The following ANKHD1 variants were observed in gnomAD, a reference collection of about 807,000 sequenced individuals.
The protein encoded by ANKHD1 is ankyrin repeat and KH domain containing 1.
In ANKHD1, 31 loss-of-function variants were observed where a neutral mutation model predicts 230.5. The observed-to-expected ratio is 0.13, with a 90% CI of 0.10 to 0.18. ANKHD1 has a LOEUF of 0.18. Among genes scored for constraint, ANKHD1 ranks in the 10% least tolerant of loss-of-function variants. ANKHD1 has a pLI of 1.00. For missense variants in ANKHD1, 2,256 were observed against 3,071.3 expected (o/e 0.73, Z 6.27); for synonymous variants, 1,074 against 1,117.6 (o/e 0.96, Z 0.78).
intron 1 of ANKHD1, among the ~76,000 whole-genome samples, chr5:140,425,718 G>A (rs139241917): frequency 1.3e-5 from 2 of 152,146 alleles, no homozygotes; most frequent in African/African-American, 4.8e-5. Context: ...AGGCCTTTTT[G>A]TAACAACAAA....
chr5:140,462,899 G>A (rs1405424287), intron 9 of ANKHD1, among the ~76,000 whole-genome samples: 1 of 152,090 alleles, frequency 6.6e-6, no homozygotes, highest in African/African-American at 2.4e-5. Flanking sequence ...TGGCTGGAAT[G>A]TAGTGGTGTG....
intron 5 of ANKHD1, among the ~76,000 whole-genome samples, chr5:140,441,744 G>T (rs375894408): frequency 1.2e-4 from 18 of 152,042 alleles, no homozygotes; most frequent in African/African-American, 4.3e-4. Flanking sequence ...AGGATTTTTT[G>T]CTAAATGAGT....
In ANKHD1 at chr5:140,526,114, A is replaced by C; in HGVS notation, c.4611A>C (p.Thr1537=). The change falls in exon 26 of 34, where the codon ACA becomes ACC. Residue 1537 remains threonine (T), a synonymous_variant. Coordinates refer to ENST00000360839, the MANE Select transcript of ANKHD1 (RefSeq NM_017747.3). ...VFGKKRANVV[T]TPSTNRKNKK... ...GGAAAAAAAGGGCCAATGTGGTGAC[A>C]ACTCCCAGCACCAATCGGAAAAATA... 1 of 1,614,056 alleles carries C rather than the reference A, an allele frequency of 6.2e-7. No individual in the cohort carries two copies. Among genetic ancestry groups the C allele is most frequent in the Non-Finnish European group, 8.5e-7 (1 of 1,180,004 alleles).
At chr5:140,410,500 T>G (rs74858646) in intron 1 of ANKHD1, among the ~76,000 whole-genome samples, 190 of 152,320 alleles carry the variant, frequency 1.2e-3, no homozygotes, top group African/African-American at 4.5e-3. Flanking sequence ...TAAACAGTTT[T>G]AGCCTTGAAT....
At chr5:140,436,625 A>G (rs1036582010) in intron 2 of ANKHD1, among the ~76,000 whole-genome samples, 1 of 152,062 alleles carries the variant, frequency 6.6e-6, no homozygotes, top group African/African-American at 2.4e-5. Flanking sequence ...GTGCGCCTGT[A>G]GTCCCAGCTA....
At chr5:140,427,649 G>C (rs1772615487) in intron 1 of ANKHD1, among the ~76,000 whole-genome samples, 1 of 140,626 alleles carries the variant, frequency 7.1e-6, no homozygotes. Flanking sequence ...GCGGGGGGCT[G>C]ACCCCCCCAC....
Position 140,496,639 on chromosome 5 carries a change from C to G in ANKHD1, c.2365C>G (p.Leu789Val). The change falls in exon 15 of 34, where the codon CTG becomes GTG. Residue 789 changes from leucine to valine, a missense_variant. This residue lies in a region of ANKHD1 where 358 missense variants were observed against 397.7 expected (regional missense o/e 0.90). Coordinates refer to ENST00000360839, the MANE Select transcript of ANKHD1 (RefSeq NM_017747.3). ...VEETEGKLNE[L>V]GQRISAIEKA... ...GGAGACTGAAGGCAAGCTGAATGAACTGGGACAAAGAATTAGTGCTATTGA... is the reference window on the plus strand; with the variant it reads ...GGAGACTGAAGGCAAGCTGAATGAAGTGGGACAAAGAATTAGTGCTATTGA... 1.2e-6 allele frequency: 2 copies of G among 1,613,614 alleles called. No homozygotes were observed. Among genetic ancestry groups the G allele is most frequent in the Non-Finnish European group, 1.7e-6 (2 of 1,179,940 alleles).
rs1753713732 is a variant in ANKHD1, at chr5:140,529,117, C to T, written c.6171C>T (p.Asn2057=). The T allele has an allele frequency of 2.5e-6, 4 of 1,614,098 alleles. No individual in the cohort carries two copies. Among genetic ancestry groups the T allele is most frequent in the Non-Finnish European group, 3.4e-6 (4 of 1,180,032 alleles). The change falls in exon 29 of 34, where the codon AAC becomes AAT. Residue 2057 remains asparagine (N), a synonymous_variant. Transcript: ENST00000360839. The part of the protein sequence containing the change: ...TANSCSSSAS[N]TPGAPETHPS... ...ACAGTTGCAGTAGCTCTGCCAGCAACACCCCGGGAGCTCCAGAAACTCACC... is the reference window on the plus strand; with the variant it reads ...ACAGTTGCAGTAGCTCTGCCAGCAATACCCCGGGAGCTCCAGAAACTCACC...
chr5:140,521,763 T>G (rs920236705), intron 24 of ANKHD1, among the ~76,000 whole-genome samples: 8 of 152,194 alleles, frequency 5.3e-5, no homozygotes, highest in Non-Finnish European at 1.2e-4. Flanking sequence ...GCAGATCACC[T>G]GAGGTCAGGA....
chr5:140,412,497 A>G (rs1273683292), intron 1 of ANKHD1, among the ~76,000 whole-genome samples: 3 of 152,208 alleles, frequency 2.0e-5, no homozygotes, highest in East Asian at 3.8e-4. Context: ...ACTGTCATGT[A>G]GATCAGCATA....
In ANKHD1 at chr5:140,538,919, G is replaced by T; in HGVS notation, c.7405G>T (p.Gly2469Cys). Residue 2469 changes from glycine to cysteine, a missense_variant and splice_region_variant, in exon 33 of 34, where the codon GGT becomes TGT. By Grantham distance (159) the Gly-to-Cys change is radical. Around this residue, in one of 13 missense-constraint regions of ANKHD1, gnomAD observed 778 missense variants for 966.5 expected, o/e 0.80. Coordinates refer to ENST00000360839, the MANE Select transcript of ANKHD1 (RefSeq NM_017747.3). ...MASGFVDFSK[G>C]LPISMYGGTI... The stretch of plus-strand genomic sequence containing the variant: ...TAAATCTTTTTTCCTGCTGTTTTAG[G>T]GTCTGCCAATTTCCATGTATGGAGG... The T allele has an allele frequency of 1.3e-6, 2 of 1,525,362 alleles. No homozygotes were observed. Among genetic ancestry groups the T allele is most frequent in the Non-Finnish European group, 1.8e-6 (2 of 1,137,604 alleles). The allele number at this position is 1,525,362 out of a possible 1,614,324, so 94.5% of individuals were successfully genotyped here.
intron 24 of ANKHD1, among the ~76,000 whole-genome samples, chr5:140,518,675 C>G (rs1753165937): frequency 1.3e-5 from 2 of 152,262 alleles, no homozygotes; most frequent in Admixed American, 1.3e-4. Flanking sequence ...TAAACAGAAC[C>G]AAAGACAAAA....
intron 1 of ANKHD1, among the ~76,000 whole-genome samples, chr5:140,406,187 G>A (rs549779590): frequency 7.9e-5 from 12 of 151,318 alleles, no homozygotes; most frequent in East Asian, 2.0e-4. Context: ...GCAGTGAGCC[G>A]AGATCACGCC....
At position 140,427,756 on chromosome 5, in the gene ANKHD1, G is replaced by T. The variant is rs1256407055; in HGVS notation, c.307-8348G>T. ...GCGCCCCTCACCTCCCGGACAGGGCGGCTGGCCGGGCGGGGGGCTGATCCC... is the reference window on the plus strand; with the variant it reads ...GCGCCCCTCACCTCCCGGACAGGGCTGCTGGCCGGGCGGGGGGCTGATCCC... On this transcript the variant is annotated intron_variant, in intron 1 of 33. Transcript: ENST00000360839. Among the ~76,000 whole-genome samples the T allele has an allele frequency of 2.7e-5, 4 of 150,850 alleles. No individual in the cohort carries two copies. The South Asian group carries it at 8.4e-4, about 32-fold the overall frequency.
At chr5:140,403,894 G>A (rs1326572752) in intron 1 of ANKHD1, among the ~76,000 whole-genome samples, 1 of 152,118 alleles carries the variant, frequency 6.6e-6, no homozygotes, top group African/African-American at 2.4e-5. Context: ...TTATTTGTGG[G>A]TTACAGACTG....
chr5:140,409,309 T>C (rs1270447073), intron 1 of ANKHD1, among the ~76,000 whole-genome samples: 21 of 152,178 alleles, frequency 1.4e-4, no homozygotes, highest in Admixed American at 1.4e-3. Flanking sequence ...AAATGTATCA[T>C]TTTGGGGAAC....
intron 1 of ANKHD1, among the ~76,000 whole-genome samples, chr5:140,435,655 A>G (rs1490942289): frequency 6.6e-6 from 1 of 152,058 alleles, no homozygotes; most frequent in Non-Finnish European, 1.5e-5. Flanking sequence ...CTAGGATTAC[A>G]GGTGTGAGCC....
chr5:140,420,237 G>A (rs562716673), intron 1 of ANKHD1, among the ~76,000 whole-genome samples: 1 of 151,612 alleles, frequency 6.6e-6, no homozygotes, highest in African/African-American at 2.4e-5. Flanking sequence ...CAGTCCTCCC[G>A]CCTTGGCCTC....
At position 140,528,965 on chromosome 5, in the gene ANKHD1, A is replaced by G; in HGVS notation, c.6019A>G (p.Ser2007Gly). 1.2e-6 allele frequency: 2 copies of G among 1,614,186 alleles called. No homozygotes were observed. Among genetic ancestry groups the G allele is most frequent in the Non-Finnish European group, 1.7e-6 (2 of 1,180,052 alleles). ...GQAPTTFLPASTSQAQLSSQK... is the reference protein window; with the variant it reads ...GQAPTTFLPAGTSQAQLSSQK... Reference sequence around the variant, plus strand: ...AGCTCCCACCACATTTCTACCTGCAAGTACTTCTCAAGCACAGCTTTCTTC... The same window carrying G: ...AGCTCCCACCACATTTCTACCTGCAGGTACTTCTCAAGCACAGCTTTCTTC... The change falls in exon 29 of 34, where the codon AGT becomes GGT. Residue 2007 changes from serine to glycine, a missense_variant. By Grantham distance (56) the Ser-to-Gly change is moderately conservative. Transcript: ENST00000360839.
Sources: allele counts gnomAD v4.1 joint callset (sites outside exome capture counted in the v4.1 genomes callset), GRCh38; gene constraint gnomAD v4.1.1; regional missense constraint gnomAD v4.1.1; transcripts MANE v1.5; gene names NCBI Gene and HGNC (gene_info 2026-07-23, HGNC 2026-07-21).